ATP11A: variants seen among roughly 807,000 people sequenced by gnomAD.
ATP11A encodes the protein ATPase phospholipid transporting 11A.
ATP11A carries 81 observed loss-of-function variants against 154.4 expected under a neutral mutation model. The ratio of observed to expected loss-of-function variants is 0.52; its 90% CI spans 0.44 to 0.63. The LOEUF (loss-of-function observed/expected upper bound fraction) is 0.63. Among genes scored for constraint, ATP11A ranks in the 30% least tolerant of loss-of-function variants. The pLI, the probability that ATP11A is intolerant of heterozygous loss-of-function variation, is 0.00. For synonymous variants in ATP11A, 623 were observed against 585.9 expected (o/e 1.06, Z -0.91); for missense variants, 1,316 against 1,474.3 (o/e 0.89, Z 1.76).
chr13:112,846,685 C>T (rs2079618988), intron 17 of ATP11A, among the ~76,000 whole-genome samples: 1 of 152,200 alleles, frequency 6.6e-6, no homozygotes, highest in Non-Finnish European at 1.5e-5. Context: ...GGTGCCCCTG[C>T]GTGATGGTGG....
intron 2 of ATP11A, among the ~76,000 whole-genome samples, chr13:112,800,280 G>C (rs1344256263): frequency 6.6e-6 from 1 of 151,318 alleles, no homozygotes; most frequent in Non-Finnish European, 1.5e-5. Context: ...AAAGAAAAGA[G>C]ACACAAATTC....
chr13:112,871,036 C>T (rs1481096591), intron 25 of ATP11A, among the ~76,000 whole-genome samples: 2 of 152,226 alleles, frequency 1.3e-5, no homozygotes, highest in African/African-American at 2.4e-5. Flanking sequence ...TCTGGCCGCA[C>T]GCGGGGCAGC....
In ATP11A at chr13:112,859,472, G is replaced by A; in HGVS notation, c.2727+20G>A. On this transcript the variant is annotated intron_variant, in intron 23 of 29. Transcript: ENST00000375645. This position sits in a 1 kb window ranked among gnomAD's most constrained non-coding sequence, Gnocchi z 4.3. ...CAACAGGTCAGTCCTAGGGTCTTCA[G>A]GGACAGGCTGTCTGAGCCTTCTTTT... 1 of 1,603,534 alleles carries A rather than the reference G, an allele frequency of 6.2e-7. No individual in the cohort carries two copies. Among genetic ancestry groups the A allele is most frequent in the Non-Finnish European group, 8.5e-7 (1 of 1,170,592 alleles).
At chr13:112,745,112 T>A (rs768320312) in intron 1 of ATP11A, among the ~76,000 whole-genome samples, 24 of 152,262 alleles carry the variant, frequency 1.6e-4, no homozygotes, top group Non-Finnish European at 3.2e-4. Context: ...TTGCTGAGGC[T>A]GGAGTGCAGT....
rs1566614872 is a variant in ATP11A at position 112,883,854 on chromosome 13, G to A, written c.*1988G>A. On this transcript the variant is annotated 3_prime_UTR_variant, in exon 30 of 30. Transcript: ENST00000375645. ...ACAGCCCTTTTTAGGAACCCAATATGGGCATAAATGTAACACCTGTAGCGG... is the reference window on the plus strand; with the variant it reads ...ACAGCCCTTTTTAGGAACCCAATATAGGCATAAATGTAACACCTGTAGCGG... 1 of 152,684 alleles carries A rather than the reference G, an allele frequency of 6.5e-6. No individual in the cohort carries two copies. The highest frequency in any genetic ancestry group is 1.9e-4 in the East Asian group (1 of 5,182). 9.5% of individuals were successfully genotyped at this position (152,684 alleles called of 1,614,324 possible). A position where few individuals can be genotyped will look rare whatever the true frequency, so the allele number is the denominator to read the frequency against.
At position 112,785,640 on chromosome 13, in the gene ATP11A, C is replaced by G. The variant is rs1459574281; in HGVS notation, c.162+383C>G. ...CAGTGCCAGTAAGGTAGAAACGATA[C>G]CAGCCACCCCGGAGAAAGAGCCAAC... On this transcript the variant is annotated intron_variant, in intron 2 of 29. Transcript: ENST00000375645. The surrounding 1 kb of genome is among the most constrained non-coding windows in gnomAD (Gnocchi z 4.8). Among the ~76,000 whole-genome samples, 1 of 152,126 alleles carries G rather than the reference C, an allele frequency of 6.6e-6. No homozygotes were observed. Among genetic ancestry groups the G allele is most frequent in the Non-Finnish European group, 1.5e-5 (1 of 68,020 alleles).
intron 28 of ATP11A, chr13:112,876,189 CT>C (rs1294716679): frequency 2.8e-6 from 1 of 356,210 alleles, no homozygotes; most frequent in Non-Finnish European, 4.9e-6. Flanking sequence ...AGAAAAAAGA[CT>C]GATGCAAAAG....
chr13:112,823,523 G>A (rs576652353), intron 9 of ATP11A, 114 bp downstream of exon 9: 165 of 777,480 alleles, frequency 2.1e-4, no homozygotes, highest in Admixed American at 1.8e-3. Context: ...AGGTGCTGGA[G>A]GCTTTCTGGC....
At chr13:112,828,240 C>T (rs1318241974) in intron 12 of ATP11A, among the ~76,000 whole-genome samples, 2 of 145,550 alleles carry the variant, frequency 1.4e-5, no homozygotes, top group African/African-American at 5.2e-5. Context: ...GGGAAAGCAC[C>T]TAGCAGTATG....
chr13:112,793,482 C>T (rs970421353), intron 2 of ATP11A, among the ~76,000 whole-genome samples: 8 of 152,318 alleles, frequency 5.3e-5, no homozygotes, highest in East Asian at 1.9e-4. Context: ...GGTTTACAGA[C>T]GTGAGTCGCC....
At chr13:112,699,986 G>A (rs988570818) in intron 1 of ATP11A, among the ~76,000 whole-genome samples, 1 of 150,092 alleles carries the variant, frequency 6.7e-6, no homozygotes, top group Admixed American at 6.6e-5. Context: ...GTAAAGCGCT[G>A]TAAAAATATC....
chr13:112,861,633 T>G (rs2080106009), intron 24 of ATP11A, among the ~76,000 whole-genome samples: 1 of 152,258 alleles, frequency 6.6e-6, no homozygotes, highest in Admixed American at 6.5e-5. Context: ...TGCATCGGCC[T>G]CACTGCCCTC....
chr13:112,758,677 C>T (rs558967968), intron 1 of ATP11A, among the ~76,000 whole-genome samples: 1 of 152,348 alleles, frequency 6.6e-6, no homozygotes, highest in African/African-American at 2.4e-5. Context: ...CCCATCTCGG[C>T]CTCCCAAAGT....
At chr13:112,851,467 T>C (rs1352500670) in intron 18 of ATP11A, 1 of 412,898 alleles carries the variant, frequency 2.4e-6, no homozygotes, top group Non-Finnish European at 4.4e-6. Flanking sequence ...GTAGTGAAAA[T>C]AGCTTTGTCA....
intron 18 of ATP11A, among the ~76,000 whole-genome samples, chr13:112,853,304 A>G (rs1415116051): frequency 6.6e-6 from 1 of 152,154 alleles, no homozygotes; most frequent in African/African-American, 2.4e-5. Context: ...ACATATATAT[A>G]TACACATACA....
chr13:112,731,772 A>G (rs1282612224), intron 1 of ATP11A, among the ~76,000 whole-genome samples: 2 of 152,162 alleles, frequency 1.3e-5, no homozygotes, highest in Admixed American at 1.3e-4. Flanking sequence ...CTACGAACAT[A>G]TCACATCCTA....
At chr13:112,702,440 G>A (rs1363495175) in intron 1 of ATP11A, among the ~76,000 whole-genome samples, 1 of 152,144 alleles carries the variant, frequency 6.6e-6, no homozygotes, top group Non-Finnish European at 1.5e-5. Context: ...CCAGTGGGAA[G>A]CAGAGCCTCG....
chr13:112,694,685 T>C (rs1885591798), intron 1 of ATP11A, among the ~76,000 whole-genome samples: 1 of 152,212 alleles, frequency 6.6e-6, no homozygotes, highest in African/African-American at 2.4e-5. Flanking sequence ...TCAGCCCAGA[T>C]ATTCCTTGTT....
Position 112,690,732 on chromosome 13 carries a change from C to T in ATP11A, c.39+277C>T, listed in dbSNP as rs934714479. Among the ~76,000 whole-genome samples, 1 of 152,090 alleles carries T rather than the reference C, an allele frequency of 6.6e-6. No homozygotes were observed. The highest frequency in any genetic ancestry group is 1.5e-5 in the Non-Finnish European group (1 of 68,002). On this transcript the variant is annotated intron_variant, in intron 1 of 29. Transcript: ENST00000375645. The surrounding 1 kb of genome is among the most constrained non-coding windows in gnomAD (Gnocchi z 5.6). ...CGGCCGCCTGGCGCCCCCTTCCCGC[C>T]CGCAGCGCCCTGGGGGTCCCTCGGA...
Sources: allele counts gnomAD v4.1 joint callset (sites outside exome capture counted in the v4.1 genomes callset), GRCh38; gene constraint gnomAD v4.1.1; non-coding constraint Gnocchi (gnomAD v3.1); transcripts MANE v1.5; gene names NCBI Gene and HGNC (gene_info 2026-07-23, HGNC 2026-07-21).